The following LRRC37A2 variants were observed in gnomAD, a reference collection of about 807,000 sequenced individuals.
LRRC37A2 encodes the protein leucine rich repeat containing 37 member A2.
A neutral mutation model predicts 68.8 loss-of-function variants in LRRC37A2; 9 were observed. The observed-to-expected ratio is 0.13, with a 90% CI of 0.08 to 0.23. The LOEUF (loss-of-function observed/expected upper bound fraction) is 0.23. Among genes scored for constraint, LRRC37A2 ranks in the 10% least tolerant of loss-of-function variants. The pLI, the probability that LRRC37A2 is intolerant of heterozygous loss-of-function variation, is 1.00. For synonymous variants in LRRC37A2, 63 were observed against 367.6 expected, an observed-to-expected ratio of 0.17 and a Z score of 9.48; for missense variants, 168 against 950.4, an observed-to-expected ratio of 0.18 and a Z score of 10.82.
At chr17:46,768,598 A>C in the LRRC37A2 span, 2 of 1,614,154 alleles carry the variant, frequency 1.2e-6, no homozygotes, top group Non-Finnish European at 1.7e-6. The surrounding 1 kb of genome is among the most constrained non-coding windows in gnomAD (Gnocchi z 5.0). Context: ...TTGAAGAGCG[A>C]GTACTTGGCC....
chr17:47,036,029 T>C, the LRRC37A2 span, among the ~76,000 whole-genome samples: 2 of 152,252 alleles, frequency 1.3e-5, no homozygotes, highest in African/African-American at 4.8e-5. Context: ...TATTGAATTA[T>C]AGGAATTCTC....
At chr17:46,795,804 C>T in the LRRC37A2 span, among the ~76,000 whole-genome samples, 3 of 152,170 alleles carry the variant, frequency 2.0e-5, no homozygotes, top group African/African-American at 7.2e-5. Flanking sequence ...CCCCAGGCTT[C>T]TCAGATAACT....
the LRRC37A2 span, among the ~76,000 whole-genome samples, chr17:46,860,230 C>T: frequency 4.6e-5 from 7 of 152,056 alleles, no homozygotes; most frequent in East Asian, 7.7e-4. Flanking sequence ...TGGCTGAGGA[C>T]GGGAAGGAGG....
At chr17:46,900,178 TATATATATATATATATATATATATAC>T in the LRRC37A2 span, among the ~76,000 whole-genome samples, 17 of 103,110 alleles carry the variant, frequency 1.6e-4, no homozygotes, top group African/African-American at 6.3e-4. Context: ...CATATATATA[TATATATATATATATATATATATATAC>T]ACACACACAC....
At chr17:46,818,687 G>T in the LRRC37A2 span, 1 of 1,275,600 alleles carries the variant, frequency 7.8e-7, no homozygotes, top group Non-Finnish European at 1.1e-6. Flanking sequence ...ACTTGAGATT[G>T]GAAATGACTT....
the LRRC37A2 span, among the ~76,000 whole-genome samples, chr17:46,775,187 A>G: frequency 6.6e-6 from 1 of 152,186 alleles, no homozygotes; most frequent in African/African-American, 2.4e-5. Context: ...TTTATATACA[A>G]CATTTCTGAT....
the LRRC37A2 span, among the ~76,000 whole-genome samples, chr17:46,828,369 T>A: frequency 2.3e-4 from 35 of 152,000 alleles, no homozygotes; most frequent in African/African-American, 6.3e-4. Context: ...GCTAATTTTT[T>A]AAAATTTTTG....
At chr17:46,671,796 G>A in the LRRC37A2 span, among the ~76,000 whole-genome samples, 1 of 130,922 alleles carries the variant, frequency 7.6e-6, no homozygotes, top group Non-Finnish European at 1.7e-5. Flanking sequence ...ATTAATTTGA[G>A]CATTTTCTGT....
the LRRC37A2 span, among the ~76,000 whole-genome samples, chr17:46,997,601 T>A: frequency 6.6e-6 from 1 of 152,216 alleles, no homozygotes; most frequent in Non-Finnish European, 1.5e-5. Context: ...TGTGTATAAA[T>A]GACATCATGG....
chr17:46,818,502 A>T, the LRRC37A2 span: 1 of 1,599,474 alleles, frequency 6.3e-7, no homozygotes, highest in East Asian at 2.3e-5. Flanking sequence ...GCGGGCAGAC[A>T]AGAGGCGAGT....
chr17:46,879,222 T>C, the LRRC37A2 span, among the ~76,000 whole-genome samples: 1 of 152,190 alleles, frequency 6.6e-6, no homozygotes, highest in Non-Finnish European at 1.5e-5. Flanking sequence ...GGAAACCCTC[T>C]GTCTGGGGAG....
chr17:46,754,322 A>G, the LRRC37A2 span, among the ~76,000 whole-genome samples: 1 of 151,954 alleles, frequency 6.6e-6, no homozygotes, highest in Non-Finnish European at 1.5e-5. Context: ...CTGGGATAGA[A>G]GAAATCTTAA....
chr17:47,022,682 C>A, the LRRC37A2 span, among the ~76,000 whole-genome samples: 6 of 152,196 alleles, frequency 3.9e-5, no homozygotes, highest in Non-Finnish European at 7.3e-5. Context: ...AGGGTAACAT[C>A]TTACAACGTG....
the LRRC37A2 span, among the ~76,000 whole-genome samples, chr17:46,922,504 GA>G: frequency 1.8e-3 from 266 of 151,572 alleles, no homozygotes; most frequent in African/African-American, 5.3e-3. Flanking sequence ...ATAAAATAAA[GA>G]AAAAAAATCT....
the LRRC37A2 span, among the ~76,000 whole-genome samples, chr17:46,489,296 C>T: frequency 1.3e-4 from 11 of 87,626 alleles, 2 homozygotes; most frequent in African/African-American, 4.8e-4. Context: ...TGCCACCATG[C>T]TTGGCCGATT....
chr17:46,547,959 G>A, intron 9 of LRRC37A2: 6 of 37,576 alleles, frequency 1.6e-4, no homozygotes, highest in South Asian at 1.2e-3. Flanking sequence ...CACAGGGTAC[G>A]GAGCAGTCTG....
chr17:46,768,268 T>G, the LRRC37A2 span: 31 of 1,610,874 alleles, frequency 1.9e-5, no homozygotes, highest in Non-Finnish European at 2.5e-5. The surrounding 1 kb of genome is among the most constrained non-coding windows in gnomAD (Gnocchi z 5.0). Flanking sequence ...CCCCATTCCC[T>G]GCGCCCAGGC....
the LRRC37A2 span, among the ~76,000 whole-genome samples, chr17:46,887,136 C>T: frequency 3.3e-5 from 5 of 152,080 alleles, no homozygotes; most frequent in African/African-American, 1.2e-4. Context: ...ATCCTTAACA[C>T]AAAGTTGGAG....
the LRRC37A2 span, among the ~76,000 whole-genome samples, chr17:46,795,887 C>T: frequency 2.6e-5 from 4 of 152,234 alleles, no homozygotes; most frequent in Non-Finnish European, 4.4e-5. Flanking sequence ...CTCTCACACA[C>T]ACACACATGC....
Sources: gnomAD v4.1 joint callset for allele counts (sites outside exome capture counted in the v4.1 genomes callset) on GRCh38, gnomAD v4.1.1 for gene constraint, Gnocchi (gnomAD v3.1) non-coding constraint, MANE v1.5 for transcripts, NCBI Gene and HGNC (gene_info 2026-07-23, HGNC 2026-07-21) for gene names.